Variants in FRS2 observed in about 807,000 individuals in gnomAD.
FRS2 encodes the protein fibroblast growth factor receptor substrate 2.
In FRS2, 8 loss-of-function variants were observed where a neutral mutation model predicts 43.9. The ratio of observed to expected loss-of-function variants is 0.18; its 90% CI spans 0.11 to 0.33. The LOEUF (loss-of-function observed/expected upper bound fraction) is 0.33, where lower values mean the gene tolerates loss of function less well. Among genes scored for constraint, FRS2 ranks in the 10% least tolerant of loss-of-function variants. The probability of loss-of-function intolerance (pLI) is 1.00; values close to 1 mark genes in which losing one functional copy is unlikely to be tolerated. For synonymous variants in FRS2, 219 were observed against 220.3 expected (o/e 0.99, Z 0.05); for missense variants, 534 against 627.6 (o/e 0.85, Z 1.59).
Position 69,536,101 on chromosome 12 carries a change from C to CTTTTTTTTT in FRS2, c.-122+4077_-122+4085dup, listed in dbSNP as rs71094720. Among the ~76,000 whole-genome samples the CTTTTTTTTT allele has an allele frequency of 1.3e-4, 5 of 37,208 alleles. 1 individual carries two copies. The highest frequency in any genetic ancestry group is 2.7e-4 in the Non-Finnish European group (5 of 18,820). 24.4% of individuals were successfully genotyped at this position (37,208 alleles called of 152,430 possible). A position where few individuals can be genotyped will look rare whatever the true frequency, so the allele number is the denominator to read the frequency against. On this transcript the variant is annotated intron_variant, in intron 3 of 8. Transcript: ENST00000549921. ...TTTTGGTTACTGTAGTATTTTCATT[C>CTTTTTTTTT]TTTTTTTTTTTTTTTTTTTTTTTTT...
In FRS2 at chr12:69,528,186, T is replaced by A. The variant is rs543547855; in HGVS notation, c.-260-2679T>A. On this transcript the variant is annotated intron_variant, in intron 1 of 8. Transcript: ENST00000549921. Reference sequence around the variant, plus strand: ...CTGAAGTTTGCCAGCCATAGAATGTTTAAAAGGCAGAGGAGGGCTTAGCCT... The same window carrying A: ...CTGAAGTTTGCCAGCCATAGAATGTATAAAAGGCAGAGGAGGGCTTAGCCT... 3.9e-5 allele frequency among the ~76,000 whole-genome samples: 6 copies of A among 152,310 alleles called. No homozygotes were observed. In the South Asian group the frequency reaches 1.2e-3, roughly 32 times the overall value.
intron 4 of FRS2, among the ~76,000 whole-genome samples, chr12:69,564,822 A>G (rs539090468): frequency 6.6e-6 from 1 of 152,320 alleles, no homozygotes; most frequent in Non-Finnish European, 1.5e-5. Flanking sequence ...AAAATACATC[A>G]GTGGTTTTCC....
intron 1 of FRS2, among the ~76,000 whole-genome samples, chr12:69,518,244 T>C (rs1023349391): frequency 6.6e-6 from 1 of 152,230 alleles, no homozygotes; most frequent in Non-Finnish European, 1.5e-5. Flanking sequence ...TGATTCCTTC[T>C]TTGTCTTTTG....
At chr12:69,540,905 A>T (rs1408722982) in intron 3 of FRS2, among the ~76,000 whole-genome samples, 1 of 152,176 alleles carries the variant, frequency 6.6e-6, no homozygotes, top group African/African-American at 2.4e-5. Context: ...CAGTCTAATT[A>T]TGAGAAAAGC....
chr12:69,571,371 G>T lies in FRS2; in HGVS notation c.349G>T (p.Val117Phe). ...NNSINVVEEP[V>F]VERNNHQTEL... ...TAGTATAAATGTGGTGGAAGAGCCA[G>T]TTGTAGAAAGAAATAATCATCAGAC... Residue 117 changes from valine (V) to phenylalanine (F), a missense_variant, in exon 7 of 9, where the codon GTT becomes TTT. Val to Phe is a conservative substitution (Grantham distance 50). This residue lies in a region of FRS2 where 446 missense variants were observed against 494.2 expected (regional missense o/e 0.90). Transcript: ENST00000549921. 6.2e-7 allele frequency: 1 copy of T among 1,612,310 alleles called. No individual in the cohort carries two copies. Among genetic ancestry groups the T allele is most frequent in the Non-Finnish European group, 8.5e-7 (1 of 1,178,572 alleles).
intron 1 of FRS2, among the ~76,000 whole-genome samples, chr12:69,471,377 T>C (rs1565706557): frequency 6.6e-6 from 1 of 152,166 alleles, no homozygotes; most frequent in Non-Finnish European, 1.5e-5. Context: ...TTTTAAAGAG[T>C]TGGACAGTTA....
intron 1 of FRS2, among the ~76,000 whole-genome samples, chr12:69,473,787 G>T (rs1346932558): frequency 6.6e-6 from 1 of 152,148 alleles, no homozygotes; most frequent in Admixed American, 6.6e-5. Context: ...CAATGTCGTA[G>T]GTGGGTGGCG....
At chr12:69,535,342 T>G (rs1044566164) in intron 3 of FRS2, among the ~76,000 whole-genome samples, 2 of 152,188 alleles carry the variant, frequency 1.3e-5, no homozygotes, top group Admixed American at 1.3e-4. Flanking sequence ...GTTATTTTTG[T>G]TTTTTATCCT....
intron 1 of FRS2, among the ~76,000 whole-genome samples, chr12:69,514,112 A>T (rs537221166): frequency 6.6e-6 from 1 of 152,134 alleles, no homozygotes; most frequent in Non-Finnish European, 1.5e-5. Flanking sequence ...CATGATGTCA[A>T]TCAGAATTTT....
chr12:69,553,525 G>C (rs1013815710), intron 3 of FRS2, among the ~76,000 whole-genome samples: 1 of 151,826 alleles, frequency 6.6e-6, no homozygotes, highest in African/African-American at 2.4e-5. Context: ...GGAGAATATT[G>C]TTGATTAAAT....
At chr12:69,551,283 G>GTTA (rs1483326081) in intron 3 of FRS2, among the ~76,000 whole-genome samples, 1 of 152,124 alleles carries the variant, frequency 6.6e-6, no homozygotes, top group African/African-American at 2.4e-5. Flanking sequence ...AGCCCAAGAG[G>GTTA]TTAAGGCTGC....
intron 3 of FRS2, among the ~76,000 whole-genome samples, chr12:69,556,647 ATTAATGT>A (rs1879383823): frequency 6.6e-6 from 1 of 152,214 alleles, no homozygotes; most frequent in African/African-American, 2.4e-5. Context: ...GTTATCCAAC[ATTAATGT>A]TTATTTAGTT....
chr12:69,529,886 C>A (rs892873493), intron 1 of FRS2, among the ~76,000 whole-genome samples: 4 of 151,898 alleles, frequency 2.6e-5, no homozygotes, highest in African/African-American at 7.3e-5. Context: ...ATGGTGAATC[C>A]CTGTCTCTAC....
At position 69,576,730 on chromosome 12, in the gene FRS2, G is replaced by A. The variant is rs1383278644; in HGVS notation, c.*1775G>A. 6.6e-6 allele frequency: 1 copy of A among 152,382 alleles called. No homozygotes were observed. The highest frequency in any genetic ancestry group is 6.6e-5 in the Admixed American group (1 of 15,264). 9.4% of individuals were successfully genotyped at this position (152,382 alleles called of 1,614,324 possible). A position where few individuals can be genotyped will look rare whatever the true frequency, so the allele number is the denominator to read the frequency against. Reference sequence around the variant, plus strand: ...CTTTATCGTTTTAGTGCCATTTTTAGTGTCTTTACTATAAATCAATATCAG... The same window carrying A: ...CTTTATCGTTTTAGTGCCATTTTTAATGTCTTTACTATAAATCAATATCAG... On this transcript the variant is annotated 3_prime_UTR_variant, in exon 9 of 9. Transcript: ENST00000549921.
At chr12:69,504,622 A>G (rs758677471) in intron 1 of FRS2, among the ~76,000 whole-genome samples, 3 of 152,224 alleles carry the variant, frequency 2.0e-5, no homozygotes, top group Non-Finnish European at 4.4e-5. Flanking sequence ...TATAAAAAAT[A>G]TATTTTTTCT....
intron 3 of FRS2, among the ~76,000 whole-genome samples, chr12:69,552,375 C>A (rs373439207): frequency 8.2e-5 from 12 of 146,574 alleles, no homozygotes; most frequent in African/African-American, 2.3e-4. Flanking sequence ...TATTAATATT[C>A]AAAATAACAA....
chr12:69,543,885 AAAT>A, intron 3 of FRS2, among the ~76,000 whole-genome samples: 1 of 152,152 alleles, frequency 6.6e-6, no homozygotes, highest in East Asian at 1.9e-4. Flanking sequence ...GAGAGGCAGA[AAAT>A]GATACTAAAA....
Position 69,533,406 on chromosome 12 carries a change from A to G in FRS2, c.-122+1350A>G, listed in dbSNP as rs572234641. Among the ~76,000 whole-genome samples the G allele has an allele frequency of 7.2e-5, 11 of 151,928 alleles. No homozygotes were observed. In the South Asian group the frequency reaches 1.2e-3, roughly 17 times the overall value. The stretch of plus-strand genomic sequence containing the variant: ...CTCTTGTTGCCCAGGCTGGAGTGCA[A>G]TGGCGCGATCTTGGCTCACCACAGC... On this transcript the variant is annotated intron_variant, in intron 3 of 8. Coordinates refer to ENST00000549921, the MANE Select transcript of FRS2 (RefSeq NM_001278356.2).
In FRS2 at chr12:69,504,711, A is replaced by G. The variant is rs1873767574; in HGVS notation, c.-260-26154A>G. 2.0e-5 allele frequency among the ~76,000 whole-genome samples: 3 copies of G among 152,240 alleles called. No individual in the cohort carries two copies. The South Asian group carries it at 6.2e-4, about 31-fold the overall frequency. ...ATAAAATGTGCATTATGATAACTTTAAAAACACAAATAACTTTTCCTTCTT... is the reference window on the plus strand; with the variant it reads ...ATAAAATGTGCATTATGATAACTTTGAAAACACAAATAACTTTTCCTTCTT... On this transcript the variant is annotated intron_variant, in intron 1 of 8. Transcript: ENST00000549921.
Sources: allele counts gnomAD v4.1 joint callset (sites outside exome capture counted in the v4.1 genomes callset), GRCh38; gene constraint gnomAD v4.1.1; regional missense constraint gnomAD v4.1.1; transcripts MANE v1.5; gene names NCBI Gene and HGNC (gene_info 2026-07-23, HGNC 2026-07-21).